Variants in PABPN1L observed in about 807,000 individuals in gnomAD.
PABPN1L encodes PABPN1 like, cytoplasmic, also known as embryonic polyadenylate-binding protein 2.
PABPN1L carries 45 observed loss-of-function variants against 34.0 expected under a neutral mutation model. The observed-to-expected ratio is 1.32, with a 90% CI of 1.04 to 1.70. PABPN1L has a LOEUF of 1.70. PABPN1L is among the 40% of genes most tolerant of loss of function. The pLI is 0.00. For missense variants in PABPN1L, 459 were observed against 367.8 expected, an observed-to-expected ratio of 1.25 and a Z score of -2.03; for synonymous variants, 182 against 152.1, an observed-to-expected ratio of 1.20 and a Z score of -1.45.
chr16:88,868,099 G>A (rs1404025294), upstream of PABPN1L, among the ~76,000 whole-genome samples: 2 of 152,154 alleles, frequency 1.3e-5, no homozygotes, highest in Non-Finnish European at 2.9e-5. Flanking sequence ...CTTGGGCTGG[G>A]GGCTCGGGGA....
chr16:88,868,355 C>A (rs566616005), upstream of PABPN1L, among the ~76,000 whole-genome samples: 1 of 152,212 alleles, frequency 6.6e-6, no homozygotes, highest in Admixed American at 6.5e-5. Flanking sequence ...ATAATCCCAG[C>A]AGTCTGGGAG....
rs757077099 is a variant in PABPN1L, at chr16:88,865,635, G to A, written c.392-5C>T. 2.5e-6 allele frequency: 4 copies of A among 1,605,276 alleles called. No individual in the cohort carries two copies. The highest frequency in any genetic ancestry group is 3.4e-6 in the Non-Finnish European group (4 of 1,176,076). On this transcript the variant is annotated splice_region_variant and splice_polypyrimidine_tract_variant and intron_variant, in intron 2 of 6. Transcript: ENST00000419291. ...GGGTCCCAGAGAGGGGGCAGCCTGC[G>A]GAGAACACAGCTCAGGCCCGCAGGC... is the stretch of plus-strand genomic sequence containing the variant.
chr16:88,869,149 G>A (rs147868792), upstream of PABPN1L, among the ~76,000 whole-genome samples: 78 of 152,328 alleles, frequency 5.1e-4, no homozygotes, highest in Non-Finnish European at 7.6e-4. Context: ...GGCTTAGTGC[G>A]TTTTAGGTCC....
Position 88,865,797 on chromosome 16 carries a change from G to A in PABPN1L, c.391+9C>T, listed in dbSNP as rs1354155513. 1 of 1,600,070 alleles carries A rather than the reference G, an allele frequency of 6.2e-7. No individual in the cohort carries two copies. Among genetic ancestry groups the A allele is most frequent in the Non-Finnish European group, 8.5e-7 (1 of 1,173,338 alleles). The stretch of plus-strand genomic sequence containing the variant: ...TCAGTGGGGGGCGGCCTGTGCCCTT[G>A]GTTCCTACCCACGGTCTCAGGGCTC... On this transcript the variant is annotated intron_variant, in intron 2 of 6. Transcript: ENST00000419291.
At chr16:88,864,451 C>A (rs1968534370) in intron 5 of PABPN1L, 72 bp from the exon 6 acceptor site, 1 of 1,485,186 alleles carries the variant, frequency 6.7e-7, no homozygotes, top group Non-Finnish European at 9.0e-7. Context: ...CCGCAGCCCC[C>A]ACCACCCCGG....
chr16:88,863,623 C>CA, exon 7 of PABPN1L: 1 of 1,150,168 alleles, frequency 8.7e-7, no homozygotes, highest in South Asian at 1.3e-5. Context: ...AAGAGGGGGC[C>CA]AGTGGCTGCT....
intron 5 of PABPN1L, among the ~76,000 whole-genome samples, 195 bp from the exon 6 acceptor site, chr16:88,864,574 G>T (rs1173966561): frequency 7.6e-6 from 1 of 131,500 alleles, no homozygotes; most frequent in Non-Finnish European, 1.5e-5. Flanking sequence ...CTGCAGAGGG[G>T]GGGGTCACGG....
exon 4 of PABPN1L, chr16:88,865,098 C>G: frequency 6.3e-7 from 1 of 1,588,152 alleles, no homozygotes; most frequent in African/African-American, 1.3e-5. Flanking sequence ...AAGTGGGCCT[C>G]CAGCTCCTCG....
intron 3 of PABPN1L, 145 bp downstream of exon 3, chr16:88,865,418 C>T (rs1968567146): frequency 7.0e-6 from 7 of 1,005,034 alleles, no homozygotes; most frequent in South Asian, 6.5e-5. Context: ...GTGCCCAGGC[C>T]AGTGTTTCCT....
At chr16:88,866,366 G>A in exon 1 of PABPN1L, 1 of 1,550,192 alleles carries the variant, frequency 6.5e-7, no homozygotes, top group Non-Finnish European at 8.7e-7. Flanking sequence ...TCAGGCAATG[G>A]GCACTCAGCC....
rs537995208 is a variant in PABPN1L, at chr16:88,865,609, G to A, written c.413C>T (p.Pro138Leu). The A allele has an allele frequency of 5.0e-5, 80 of 1,610,452 alleles. 1 individual carries two copies. The Admixed American group carries it at 7.2e-4, about 14-fold the overall frequency. ...GTGGTCAGCCTCCACCTTCTCCTCG[G>A]GGGTCCCAGAGAGGGGGCAGCCTGC... Residue 138 changes from proline to leucine, a missense_variant, in exon 3 of 7, where the codon CCC (proline) becomes CTC (leucine). By Grantham distance (98) the Pro-to-Leu change is moderately conservative (BLOSUM62 -3). Coordinates refer to ENST00000419291, the Ensembl canonical transcript of PABPN1L.
chr16:88,864,575 GGGGTC>G (rs1290770345), intron 5 of PABPN1L, among the ~76,000 whole-genome samples, 196 bp from the exon 6 acceptor site: 1 of 131,420 alleles, frequency 7.6e-6, no homozygotes, highest in African/African-American at 3.2e-5. Flanking sequence ...TGCAGAGGGG[GGGGTC>G]ACGGCCAGCA....
upstream of PABPN1L, among the ~76,000 whole-genome samples, chr16:88,867,916 C>T (rs572903812): frequency 6.6e-6 from 1 of 152,334 alleles, no homozygotes; most frequent in Admixed American, 6.5e-5. Context: ...CTGCACAGCT[C>T]CTACCCCCAG....
intron 5 of PABPN1L, 114 bp downstream of exon 5, chr16:88,864,739 C>T (rs1159373231): frequency 1.4e-5 from 17 of 1,201,400 alleles, no homozygotes; most frequent in Admixed American, 2.1e-5. Flanking sequence ...AGCCAAGCAC[C>T]GTGCCTGAGA....
Position 88,865,896 on chromosome 16 carries a change from C to T in PABPN1L, c.301G>A (p.Glu101Lys), listed in dbSNP as rs566093514. ...ACTCCTGGAGGCCGTGGCGTCCCCT[C>T]GGCCTGCTCCATGGCACACACCTTC... Residue 101 changes from glutamate (E) to lysine (K), a missense_variant, in exon 2 of 7, where the codon GAG becomes AAG. Physicochemically the swap from Glu to Lys is moderately conservative, Grantham distance 56. Transcript: ENST00000419291. 8.1e-6 allele frequency: 13 copies of T among 1,609,482 alleles called. No homozygotes were observed. The Admixed American group carries it at 8.4e-5, about 10-fold the overall frequency.
chr16:88,869,209 G>GC (rs1428164473), upstream of PABPN1L, among the ~76,000 whole-genome samples: 2 of 152,214 alleles, frequency 1.3e-5, no homozygotes, highest in Non-Finnish European at 2.9e-5. Flanking sequence ...TGAAGACCAT[G>GC]CTGTCACCCC....
chr16:88,864,029 G>A (rs1025338770), intron 6 of PABPN1L, among the ~76,000 whole-genome samples: 1 of 152,176 alleles, frequency 6.6e-6, no homozygotes, highest in African/African-American at 2.4e-5. Context: ...GGGCCTTTGT[G>A]GGAACAAGAA....
At chr16:88,863,695 A>G (rs1392853249) in exon 7 of PABPN1L, 5 of 1,514,834 alleles carry the variant, frequency 3.3e-6, no homozygotes, top group Non-Finnish European at 4.4e-6. Context: ...CCCAGGATGG[A>G]GCACAAGTGG....
chr16:88,868,823 G>A (rs1305267908), upstream of PABPN1L, among the ~76,000 whole-genome samples: 3 of 152,214 alleles, frequency 2.0e-5, no homozygotes, highest in South Asian at 2.1e-4. Flanking sequence ...CACGCTCAGC[G>A]ACTCTGCGTT....
Sources: gnomAD v4.1 joint callset for allele counts (sites outside exome capture counted in the v4.1 genomes callset) on GRCh38, gnomAD v4.1.1 for gene constraint, MANE v1.5 for transcripts, NCBI Gene and HGNC (gene_info 2026-07-23, HGNC 2026-07-21) for gene names.